Variants in CAMK2G observed in about 807,000 individuals in gnomAD.
CAMK2G encodes the protein calcium/calmodulin dependent protein kinase II gamma, also known as calcium/calmodulin-dependent protein kinase type II subunit gamma.
A neutral mutation model predicts 88.7 loss-of-function variants in CAMK2G; 23 were observed. The ratio of observed to expected loss-of-function variants is 0.26; its 90% CI spans 0.19 to 0.37. CAMK2G has a LOEUF of 0.37. Ranked by LOEUF, CAMK2G falls within the 10% of genes least tolerant of loss-of-function variation. The pLI, the probability that CAMK2G is intolerant of heterozygous loss-of-function variation, is 1.00. For synonymous variants in CAMK2G, 263 were observed against 294.8 expected (o/e 0.89, Z 1.11); for missense variants, 476 against 780.8 (o/e 0.61, Z 4.65).
At chr10:73,820,485 TA>T in intron 18 of CAMK2G, among the ~76,000 whole-genome samples, 6 of 34,894 alleles carry the variant, frequency 1.7e-4, no homozygotes, top group African/African-American at 1.0e-3. Context: ...TATATATATA[TA>T]TATATATTTT....
intron 2 of CAMK2G, among the ~76,000 whole-genome samples, chr10:73,867,179 C>T (rs915931896): frequency 5.9e-5 from 9 of 152,200 alleles, no homozygotes; most frequent in African/African-American, 2.2e-4. Flanking sequence ...GCAGTTTTAA[C>T]TTGGTGACAC....
At chr10:73,863,396 T>C (rs905156134) in intron 2 of CAMK2G, among the ~76,000 whole-genome samples, 4 of 152,234 alleles carry the variant, frequency 2.6e-5, no homozygotes, top group Admixed American at 2.0e-4. Flanking sequence ...CCTTGCCTGG[T>C]GGCTGGGGGG....
At chr10:73,843,588 A>G (rs141028761) in intron 10 of CAMK2G, among the ~76,000 whole-genome samples, 4 of 152,068 alleles carry the variant, frequency 2.6e-5, no homozygotes, top group Non-Finnish European at 5.9e-5. Context: ...TATTTCCCCC[A>G]TTCTTGGGTG....
At chr10:73,870,485 T>A (rs1290635649) in intron 2 of CAMK2G, among the ~76,000 whole-genome samples, 1 of 152,218 alleles carries the variant, frequency 6.6e-6, no homozygotes, top group Non-Finnish European at 1.5e-5. Context: ...CTGTCTCGAT[T>A]GGACCCCCCC....
chr10:73,861,264 G>A (rs1292555181), intron 2 of CAMK2G, among the ~76,000 whole-genome samples: 1 of 152,252 alleles, frequency 6.6e-6, no homozygotes, highest in Non-Finnish European at 1.5e-5. Context: ...GAGCCAGTGA[G>A]CAGCAGAGCT....
At chr10:73,845,866 T>C (rs146012308) in intron 10 of CAMK2G, among the ~76,000 whole-genome samples, 12 of 151,922 alleles carry the variant, frequency 7.9e-5, no homozygotes, top group African/African-American at 2.7e-4. Context: ...GAGCTCTCTG[T>C]CTCCAGCCCT....
intron 20 of CAMK2G, among the ~76,000 whole-genome samples, 169 bp from the exon 21 acceptor site, chr10:73,817,286 G>A (rs916428747): frequency 6.6e-5 from 10 of 152,090 alleles, no homozygotes; most frequent in Admixed American, 5.2e-4. Flanking sequence ...CTGTGCTTTC[G>A]GCCCACTGCC....
rs907744749 is a variant in CAMK2G at position 73,874,506 on chromosome 10, G to A, written c.-45C>T. On this transcript the variant is annotated 5_prime_UTR_variant, in exon 1 of 23. Transcript: ENST00000423381. ...CGGCGGTGCAGCCCGCGCCGACGTCGGTGCACAGTCACCGCCGCCCGGCCG... is the reference window on the plus strand; with the variant it reads ...CGGCGGTGCAGCCCGCGCCGACGTCAGTGCACAGTCACCGCCGCCCGGCCG... 2 of 1,383,244 alleles carry A rather than the reference G, an allele frequency of 1.4e-6. No homozygotes were observed. Among genetic ancestry groups the A allele is most frequent in the Admixed American group, 2.5e-5 (1 of 40,694 alleles). 85.7% of individuals were successfully genotyped at this position (1,383,244 alleles called of 1,614,324 possible).
rs745796179 is a variant in CAMK2G at position 73,848,642 on chromosome 10, A to C, written c.518-33T>G. 3 of 1,283,312 alleles carry C rather than the reference A, an allele frequency of 2.3e-6. No homozygotes were observed. The South Asian group carries it at 3.7e-5, about 16-fold the overall frequency. The allele number at this position is 1,283,312 out of a possible 1,614,324, so 79.5% of individuals were successfully genotyped here. A position where few individuals can be genotyped will look rare whatever the true frequency, so the allele number is the denominator to read the frequency against. ...AAAAGAGAGGGCAGAGGCATACTGA[A>C]CCCACTTTCTCTCTCGTTAAATCCA... On this transcript the variant is annotated intron_variant, in intron 7 of 22. Transcript: ENST00000423381. The surrounding 1 kb of genome is among the most constrained non-coding windows in gnomAD (Gnocchi z 4.5).
rs767988152 is a variant in CAMK2G, at chr10:73,825,320, C to T, written c.1114G>A (p.Val372Ile). The change falls in exon 16 of 23, where the codon GTA (valine) becomes ATA (isoleucine). Residue 372 changes from valine (V) to isoleucine (I), a missense_variant. Transcript: ENST00000423381. ...GGCGCGGGCTCTTGGGCTGGGCTTA[C>T]GAGACTGTTTTTGTTGTTGCTCTGT... Reference protein sequence around the residue: ...MPQSNNKNSLVSPAQEPAPLQ... With the variant: ...MPQSNNKNSLISPAQEPAPLQ... 2.2e-5 allele frequency: 35 copies of T among 1,613,838 alleles called. No individual in the cohort carries two copies. In the South Asian group the frequency reaches 2.9e-4, roughly 13 times the overall value.
chr10:73,837,144 C>T (rs1207165684), intron 14 of CAMK2G: 1 of 326,188 alleles, frequency 3.1e-6, no homozygotes, highest in Non-Finnish European at 5.8e-6. Flanking sequence ...AGAAAGATAA[C>T]CAAATGACCT....
chr10:73,865,299 C>T, intron 2 of CAMK2G, among the ~76,000 whole-genome samples: 1 of 152,224 alleles, frequency 6.6e-6, no homozygotes, highest in South Asian at 2.1e-4. Flanking sequence ...TGATGGGCAG[C>T]AACAGGGGCT....
At chr10:73,864,927 A>G (rs2095530369) in intron 2 of CAMK2G, among the ~76,000 whole-genome samples, 1 of 152,132 alleles carries the variant, frequency 6.6e-6, no homozygotes, top group Non-Finnish European at 1.5e-5. Flanking sequence ...TACAGGCGTG[A>G]GCCACGGCAC....
rs2133608778 is a variant in CAMK2G, at chr10:73,825,267, G to A, written c.1155+12C>T. 2 of 1,602,096 alleles carry A rather than the reference G, an allele frequency of 1.2e-6. No individual in the cohort carries two copies. The highest frequency in any genetic ancestry group is 1.7e-6 in the Non-Finnish European group (2 of 1,168,954). ...CAGGGTCAGAGGCGGAGAAGCTGTA[G>A]TCAGGAGGTACCATGGCCGTCTGCA... On this transcript the variant is annotated intron_variant, in intron 16 of 22. Coordinates refer to ENST00000423381, the MANE Select transcript of CAMK2G (RefSeq NM_001367534.1).
intron 21 of CAMK2G, 30 bp downstream of exon 21, chr10:73,816,993 G>A (rs1248461252): frequency 3.1e-6 from 5 of 1,613,984 alleles, no homozygotes; most frequent in Non-Finnish European, 3.4e-6. Flanking sequence ...GGGGCAGGCA[G>A]GAGTATATCA....
chr10:73,849,784 G>A (rs1428342191), intron 5 of CAMK2G, among the ~76,000 whole-genome samples: 1 of 152,124 alleles, frequency 6.6e-6, no homozygotes, highest in African/African-American at 2.4e-5. Context: ...TTTGGCGGTG[G>A]GTGCACTCAT....
At chr10:73,871,807 A>G (rs1477296503) in intron 2 of CAMK2G, among the ~76,000 whole-genome samples, 1 of 152,174 alleles carries the variant, frequency 6.6e-6, no homozygotes, top group African/African-American at 2.4e-5. Context: ...ATGGAGAGAG[A>G]GTCCCCAGTC....
chr10:73,850,930 G>A (rs1225935384), intron 5 of CAMK2G, among the ~76,000 whole-genome samples: 10 of 152,164 alleles, frequency 6.6e-5, no homozygotes, highest in Non-Finnish European at 1.5e-4. Context: ...TGGCAAAAGT[G>A]CGAAGTGTCC....
intron 5 of CAMK2G, among the ~76,000 whole-genome samples, chr10:73,851,636 T>G (rs993698094): frequency 6.6e-6 from 1 of 151,264 alleles, no homozygotes; most frequent in Non-Finnish European, 1.5e-5. Flanking sequence ...GAGGGGGACA[T>G]TGGGCATGGT....
Sources: allele counts gnomAD v4.1 joint callset (sites outside exome capture counted in the v4.1 genomes callset), GRCh38; gene constraint gnomAD v4.1.1; non-coding constraint Gnocchi (gnomAD v3.1); transcripts MANE v1.5; gene names NCBI Gene and HGNC (gene_info 2026-07-23, HGNC 2026-07-21).